Variants in SRGAP2C observed in about 807,000 individuals in gnomAD.
The protein encoded by SRGAP2C is SLIT-ROBO Rho GTPase-activating protein 2C.
Under a neutral mutation model 25.1 loss-of-function variants are expected in SRGAP2C, and 15 were observed. The ratio of observed to expected loss-of-function variants is 0.60; its 90% confidence interval spans 0.40 to 0.92. The LOEUF (loss-of-function observed/expected upper bound fraction) is 0.92. Ranked by LOEUF, SRGAP2C falls within the 40% of genes least tolerant of loss-of-function variation. The pLI, the probability that SRGAP2C is intolerant of heterozygous loss-of-function variation, is 0.00. For missense variants in SRGAP2C, 144 were observed against 264.4 expected (o/e 0.54, Z 3.16); for synonymous variants, 44 against 96.6 (o/e 0.46, Z 3.19).
At chr1:121,265,915 G>T (rs1277873101) in intron 2 of SRGAP2C, among the ~76,000 whole-genome samples, 1 of 151,658 alleles carries the variant, frequency 6.6e-6, no homozygotes, top group African/African-American at 2.4e-5. Context: ...GCTTCTAGTT[G>T]ACAATTGGGT....
chr1:121,355,252 C>T (rs1553347318), intron 4 of SRGAP2C, among the ~76,000 whole-genome samples: 1 of 147,362 alleles, frequency 6.8e-6, no homozygotes, highest in African/African-American at 2.5e-5. Flanking sequence ...ACAAACTTGA[C>T]CTAAATGACA....
chr1:121,355,228 T>C (rs1415022844), intron 4 of SRGAP2C, among the ~76,000 whole-genome samples: 2 of 144,064 alleles, frequency 1.4e-5, no homozygotes, highest in African/African-American at 5.1e-5. Flanking sequence ...ACCAAAAAAG[T>C]CAGTAAAAAT....
intron 4 of SRGAP2C, among the ~76,000 whole-genome samples, chr1:121,359,934 C>A (rs1208725336): frequency 6.6e-6 from 1 of 152,196 alleles, no homozygotes; most frequent in Non-Finnish European, 1.5e-5. Flanking sequence ...CACCAATCAG[C>A]ACTCTGTAAA....
chr1:121,288,451 C>T, intron 3 of SRGAP2C, among the ~76,000 whole-genome samples: 2 of 73,322 alleles, frequency 2.7e-5, no homozygotes, highest in African/African-American at 6.2e-5. Context: ...GATTGGTGCA[C>T]TCACAAATCT....
chr1:121,222,506 G>C (rs1475374823), intron 2 of SRGAP2C, among the ~76,000 whole-genome samples: 5 of 152,214 alleles, frequency 3.3e-5, no homozygotes, highest in African/African-American at 9.6e-5. Flanking sequence ...GCGCCCAACT[G>C]TGGTCGCAGG....
At chr1:121,362,614 A>T (rs1553348801) in intron 4 of SRGAP2C, 1 of 151,980 alleles carries the variant, frequency 6.6e-6, no homozygotes, top group East Asian at 1.9e-4. Flanking sequence ...CATAAGGAGG[A>T]GTTAAGAAAC....
Position 121,374,958 on chromosome 1 carries a change from A to C in SRGAP2C, c.831+4A>C. Reference sequence around the variant, plus strand: ...TGACCTATCTGACCTTATTGATGTAAGTGCTTAAAGCCAAGGGCCTGAGGG... The same window carrying C: ...TGACCTATCTGACCTTATTGATGTACGTGCTTAAAGCCAAGGGCCTGAGGG... On this transcript the variant is annotated splice_donor_region_variant and intron_variant, in intron 7 of 9. Transcript: ENST00000367123. The C allele has an allele frequency of 2.6e-6, 2 of 776,858 alleles. No individual in the cohort carries two copies. Among genetic ancestry groups the C allele is most frequent in the Non-Finnish European group, 4.8e-6 (2 of 416,006 alleles). 48.1% of individuals were successfully genotyped at this position (776,858 alleles called of 1,614,324 possible).
At chr1:121,314,774 T>C (rs1421090790) in intron 3 of SRGAP2C, among the ~76,000 whole-genome samples, 1 of 151,806 alleles carries the variant, frequency 6.6e-6, no homozygotes, top group East Asian at 2.0e-4. Context: ...GAGGAGGCAG[T>C]CTGCCCGTTC....
intron 2 of SRGAP2C, among the ~76,000 whole-genome samples, chr1:121,247,012 A>ATTTCT (rs1656236572): frequency 9.1e-5 from 12 of 131,904 alleles, no homozygotes; most frequent in Admixed American, 4.8e-4. Flanking sequence ...GCACTTAGAA[A>ATTTCT]ATTGCTCCTA....
At chr1:121,264,068 C>A (rs1656701783) in intron 2 of SRGAP2C, among the ~76,000 whole-genome samples, 1 of 151,748 alleles carries the variant, frequency 6.6e-6, no homozygotes. Flanking sequence ...CTCAGAGGCC[C>A]AAATCTTCTG....
intron 3 of SRGAP2C, among the ~76,000 whole-genome samples, chr1:121,310,776 T>C (rs1301267134): frequency 1.2e-5 from 1 of 86,818 alleles, no homozygotes. Context: ...TCTGTTCCAT[T>C]GATCTATATC....
chr1:121,347,345 C>G (rs587664763), intron 4 of SRGAP2C, among the ~76,000 whole-genome samples: 3 of 114,854 alleles, frequency 2.6e-5, no homozygotes, highest in Non-Finnish European at 5.3e-5. Flanking sequence ...GTTCTGCATT[C>G]TAGAAACAGT....
chr1:121,343,762 C>A (rs1658681925), intron 4 of SRGAP2C, among the ~76,000 whole-genome samples: 1 of 144,870 alleles, frequency 6.9e-6, no homozygotes, highest in Non-Finnish European at 1.5e-5. Flanking sequence ...GGTGCTGCTC[C>A]CTGGTGATTC....
intron 2 of SRGAP2C, among the ~76,000 whole-genome samples, chr1:121,265,952 G>T (rs1331586899): frequency 6.6e-6 from 1 of 151,654 alleles, no homozygotes; most frequent in Non-Finnish European, 1.5e-5. Flanking sequence ...ACTTCTTGTT[G>T]TTGGTTTTTT....
intron 2 of SRGAP2C, among the ~76,000 whole-genome samples, chr1:121,207,630 G>C (rs587648446): frequency 2.0e-5 from 3 of 152,318 alleles, no homozygotes; most frequent in Admixed American, 2.0e-4. Flanking sequence ...TAGAGGATTT[G>C]ATTGGAGATT....
chr1:121,265,174 G>A (rs1553334097), intron 2 of SRGAP2C, among the ~76,000 whole-genome samples: 1 of 144,618 alleles, frequency 6.9e-6, no homozygotes, highest in Non-Finnish European at 1.5e-5. Flanking sequence ...ACTCCAGCCT[G>A]GGCAACCAAG....
At chr1:121,192,335 TC>T (rs1319336811) in intron 2 of SRGAP2C, among the ~76,000 whole-genome samples, 1 of 152,216 alleles carries the variant, frequency 6.6e-6, no homozygotes, top group Non-Finnish European at 1.5e-5. Flanking sequence ...GCTATCATTT[TC>T]CCACAAGATG....
At chr1:121,208,620 A>C (rs1290898056) in intron 2 of SRGAP2C, among the ~76,000 whole-genome samples, 1 of 152,126 alleles carries the variant, frequency 6.6e-6, no homozygotes, top group Non-Finnish European at 1.5e-5. Context: ...ATTTAACAAA[A>C]TGAGGTCATA....
chr1:121,286,733 C>T (rs1171557722), intron 3 of SRGAP2C, among the ~76,000 whole-genome samples: 1,936 of 149,722 alleles, frequency 0.013, no homozygotes, highest in South Asian at 0.034. Context: ...CAAAGGTGCA[C>T]GCTTTTTGGC....
Sources: allele counts gnomAD v4.1 joint callset (sites outside exome capture counted in the v4.1 genomes callset), GRCh38; gene constraint gnomAD v4.1.1; transcripts MANE v1.5; gene names NCBI Gene and HGNC (gene_info 2026-07-23, HGNC 2026-07-21).